TTLL2: variants seen among roughly 807,000 people sequenced by gnomAD.
The protein encoded by TTLL2 is probable tubulin polyglutamylase TTLL2.
In TTLL2, 10 loss-of-function variants were observed where a neutral mutation model predicts 7.5. That is an observed-to-expected ratio of 1.33 (90% CI 0.82 to 2.25). TTLL2 has a LOEUF of 2.25. Among genes scored for constraint, TTLL2 ranks in the 30% most tolerant of loss-of-function variants. TTLL2 has a pLI of 0.00. For missense variants in TTLL2, 733 were observed against 735.7 expected (o/e 1.00, Z 0.04); for synonymous variants, 284 against 280.3 (o/e 1.01, Z -0.13).
rs77767783 is a variant in TTLL2, at chr6:167,340,872, C to G, written c.972C>G (p.Leu324=). The change falls in exon 3 of 3, where the codon CTC becomes CTG. Residue 324 remains leucine (L), a synonymous_variant. Transcript: ENST00000239587. The part of the protein sequence containing the change: ...EVIGHGCKWT[L]SRFFSYLRSW... ...TTGGTCATGGTTGTAAATGGACGCT[C>G]AGCAGATTTTTTTCCTACCTTCGTA... is the stretch of plus-strand genomic sequence containing the variant. The G allele has an allele frequency of 2.5e-6, 4 of 1,614,014 alleles. No homozygotes were observed. In the African/African-American group the frequency reaches 5.3e-5, roughly 22 times the overall value.
chr6:167,338,834 TCC>T (rs1779029700), intron 2 of TTLL2, 31 bp downstream of exon 2: 1 of 1,367,770 alleles, frequency 7.3e-7, no homozygotes, highest in African/African-American at 1.5e-5. Flanking sequence ...GTTCCTTCCT[TCC>T]TTCCTTCCTT....
In TTLL2 at chr6:167,340,275, G is replaced by T; in HGVS notation, c.375G>T (p.Trp125Cys). ...EQNAEDWNLY[W>C]RTSSFRMTEH... is the part of the protein sequence containing the mutation. ...ACGCGGAGGACTGGAACCTGTACTGGAGGACATCCTCTTTCCGAATGACCG... is the reference window on the plus strand; with the variant it reads ...ACGCGGAGGACTGGAACCTGTACTGTAGGACATCCTCTTTCCGAATGACCG... The change falls in exon 3 of 3, where the codon TGG becomes TGT. Residue 125 changes from tryptophan to cysteine, a missense_variant. Transcript: ENST00000239587. 6.2e-7 allele frequency: 1 copy of T among 1,614,106 alleles called. No individual in the cohort carries two copies. Among genetic ancestry groups the T allele is most frequent in the East Asian group, 2.2e-5 (1 of 44,890 alleles).
intron 1 of TTLL2, among the ~76,000 whole-genome samples, chr6:167,336,978 A>G (rs533352462): frequency 1.1e-4 from 16 of 152,168 alleles, no homozygotes; most frequent in African/African-American, 3.4e-4. Flanking sequence ...AGGCCACACC[A>G]TGACCCACAC....
At position 167,328,547 on chromosome 6, in the gene TTLL2, T is replaced by A. The variant is rs528220508; in HGVS notation, c.47+3327T>A. Among the ~76,000 whole-genome samples, 3 of 152,304 alleles carry A rather than the reference T, an allele frequency of 2.0e-5. No homozygotes were observed. The South Asian group carries it at 6.2e-4, about 32-fold the overall frequency. Reference sequence around the variant, plus strand: ...AGCTGTGCTGGCTTCAAAGTGTCTGTCTGTTGGCTGCATGGTGGAAGATGC... The same window carrying A: ...AGCTGTGCTGGCTTCAAAGTGTCTGACTGTTGGCTGCATGGTGGAAGATGC... On this transcript the variant is annotated intron_variant, in intron 1 of 2. Coordinates refer to ENST00000239587, the MANE Select transcript of TTLL2 (RefSeq NM_031949.5).
chr6:167,334,395 G>T (rs1304626592), intron 1 of TTLL2, among the ~76,000 whole-genome samples: 1 of 148,912 alleles, frequency 6.7e-6, no homozygotes, highest in Non-Finnish European at 1.5e-5. Flanking sequence ...GGTGTGGTGT[G>T]GTGCTGAAAA....
intron 1 of TTLL2, among the ~76,000 whole-genome samples, chr6:167,330,547 G>T (rs1291802742): frequency 1.3e-5 from 2 of 149,302 alleles, no homozygotes; most frequent in Non-Finnish European, 3.0e-5. Context: ...GGACAAAAGC[G>T]AAAATCCATC....
chr6:167,331,931 C>G (rs1454084918), intron 1 of TTLL2, among the ~76,000 whole-genome samples: 1 of 152,206 alleles, frequency 6.6e-6, no homozygotes, highest in Non-Finnish European at 1.5e-5. Context: ...CTCTCTGAAT[C>G]TGCTGTGACT....
intron 2 of TTLL2, among the ~76,000 whole-genome samples, chr6:167,339,033 C>T (rs1450305008): frequency 6.7e-6 from 1 of 149,818 alleles, no homozygotes; most frequent in African/African-American, 2.5e-5. Context: ...TCTTTCCTTC[C>T]CTCATTTCCT....
chr6:167,327,048 A>G (rs1204707640), intron 1 of TTLL2, among the ~76,000 whole-genome samples: 1 of 152,140 alleles, frequency 6.6e-6, no homozygotes, highest in Admixed American at 6.5e-5. Context: ...GAGGAAGGAA[A>G]AAAAAAGGAG....
Position 167,325,226 on chromosome 6 carries a change from C to G in TTLL2, c.47+6C>G. The G allele has an allele frequency of 6.4e-7, 1 of 1,562,014 alleles. No homozygotes were observed. The highest frequency in any genetic ancestry group is 8.7e-7 in the Non-Finnish European group (1 of 1,153,250). ...ACACAAAGCCAGGCGCTGGGGTAAG[C>G]GTAGGAGGCGACACGTAGGATGGGA... On this transcript the variant is annotated splice_donor_region_variant and intron_variant, in intron 1 of 2. Coordinates refer to ENST00000239587, the MANE Select transcript of TTLL2 (RefSeq NM_031949.5).
chr6:167,340,684 G>A lies in TTLL2; in HGVS notation c.784G>A (p.Val262Ile). 2 of 1,614,198 alleles carry A rather than the reference G, an allele frequency of 1.2e-6. No individual in the cohort carries two copies. The change falls in exon 3 of 3, where the codon GTT becomes ATT. Residue 262 changes from valine to isoleucine, a missense_variant. Coordinates refer to ENST00000239587, the MANE Select transcript of TTLL2 (RefSeq NM_031949.5). ...ATGTGATCTCCGCATCTATGTTTGT[G>A]TTACTGGCTTTAAGCCTTTGACCAT... ...YKCDLRIYVC[V>I]TGFKPLTIYV...
chr6:167,328,527 T>C, intron 1 of TTLL2: 1 of 190,284 alleles, frequency 5.3e-6, no homozygotes, highest in Non-Finnish European at 1.1e-5. Flanking sequence ...GGAAGAGCTG[T>C]GCTGGCTTCA....
At position 167,329,643 on chromosome 6, in the gene TTLL2, G is replaced by A. The variant is rs147211217; in HGVS notation, c.47+4423G>A. On this transcript the variant is annotated intron_variant, in intron 1 of 2. Transcript: ENST00000239587. ...CCCTTTGCCTTTTAAATCTGAGTAC[G>A]GTAAACCTACTTTATTCTTCTCTAG... 2.3e-3 allele frequency among the ~76,000 whole-genome samples: 355 copies of A among 152,130 alleles called. 5 individuals are homozygous for A. Among genetic ancestry groups the A allele is most frequent in the African/African-American group, 8.1e-3 (336 of 41,474 alleles).
intron 1 of TTLL2, among the ~76,000 whole-genome samples, chr6:167,329,467 G>A (rs1778892951): frequency 6.6e-6 from 1 of 152,130 alleles, no homozygotes; most frequent in African/African-American, 2.4e-5. Context: ...TCTATGCTCA[G>A]GGTTAAGACT....
At position 167,340,417 on chromosome 6, in the gene TTLL2, T is replaced by C; in HGVS notation, c.517T>C (p.Ser173Pro). ...GCACATGAGGAGGATGTATGGCACT[T>C]CCCTGTACCAGTTCATCCCCCTGAC... is the stretch of plus-strand genomic sequence containing the variant. ...LKHMRRMYGTSLYQFIPLTFV... is the reference protein window; with the variant it reads ...LKHMRRMYGTPLYQFIPLTFV... Residue 173 changes from serine to proline, a missense_variant, in exon 3 of 3, where the codon TCC becomes CCC. By Grantham distance (74) the Ser-to-Pro change is moderately conservative. Transcript: ENST00000239587. The C allele has an allele frequency of 6.2e-7, 1 of 1,614,162 alleles. No individual in the cohort carries two copies. The highest frequency in any genetic ancestry group is 8.5e-7 in the Non-Finnish European group (1 of 1,180,030).
intron 1 of TTLL2, 59 bp from the exon 2 acceptor site, chr6:167,338,588 A>G: frequency 1.3e-6 from 2 of 1,549,524 alleles, no homozygotes; most frequent in Non-Finnish European, 1.8e-6. Flanking sequence ...GTTCCTTATT[A>G]AAGCAACAGT....
chr6:167,330,384 C>T (rs891154373), intron 1 of TTLL2, among the ~76,000 whole-genome samples: 6 of 151,916 alleles, frequency 3.9e-5, no homozygotes, highest in African/African-American at 9.7e-5. Flanking sequence ...ATGGTGAAAC[C>T]CCGTCTCTAC....
chr6:167,328,743 C>T (rs1241104948), intron 1 of TTLL2, among the ~76,000 whole-genome samples: 1 of 152,170 alleles, frequency 6.6e-6, no homozygotes, highest in Non-Finnish European at 1.5e-5. Flanking sequence ...CATCCACCTC[C>T]ATTGCCTGTT....
Position 167,341,458 on chromosome 6 carries a change from A to G in TTLL2, c.1558A>G (p.Thr520Ala), listed in dbSNP as rs1227687804. 2 of 1,613,908 alleles carry G rather than the reference A, an allele frequency of 1.2e-6. No individual in the cohort carries two copies. Among genetic ancestry groups the G allele is most frequent in the African/African-American group, 2.7e-5 (2 of 74,870 alleles). The change falls in exon 3 of 3, where the codon ACA becomes GCA. Residue 520 changes from threonine to alanine, a missense_variant. Physicochemically the swap from Thr to Ala is moderately conservative, Grantham distance 58. Transcript: ENST00000239587. ...ACGGAGCAGGCACACGCCTCACAAG[A>G]CACTCATGCCCTACGCGTCCCTCTT... The part of the protein sequence containing the change: ...KLRSRHTPHK[T>A]LMPYASLFQS...
Sources: allele counts gnomAD v4.1 joint callset (sites outside exome capture counted in the v4.1 genomes callset), GRCh38; gene constraint gnomAD v4.1.1; transcripts MANE v1.5; gene names NCBI Gene and HGNC (gene_info 2026-07-23, HGNC 2026-07-21).